Variants in PTPRD observed in about 807,000 individuals in gnomAD.
The protein encoded by PTPRD is receptor-type tyrosine-protein phosphatase delta.
In PTPRD, 34 loss-of-function variants were observed where a neutral mutation model predicts 214.5. The observed-to-expected ratio is 0.16, with a 90% CI of 0.12 to 0.21. The LOEUF is 0.21. Ranked by LOEUF, PTPRD falls within the 10% of genes least tolerant of loss-of-function variation. The pLI is 1.00. For missense variants in PTPRD, 2,545 were observed against 2,398.7 expected (o/e 1.06, Z -1.27); for synonymous variants, 1,128 against 845.7 (o/e 1.33, Z -5.79).
chr9:10,320,253 T>C (rs562892898), intron 3 of PTPRD, among the ~76,000 whole-genome samples: 122 of 152,186 alleles, frequency 8.0e-4, no homozygotes, highest in African/African-American at 2.8e-3. Flanking sequence ...AGTTCTGCAC[T>C]TAATATTGAT....
At chr9:8,418,224 C>CT (rs375048364) in intron 35 of PTPRD, among the ~76,000 whole-genome samples, 176 of 147,842 alleles carry the variant, frequency 1.2e-3, no homozygotes, top group Middle Eastern at 3.5e-3. Flanking sequence ...TTATCCTTTT[C>CT]TTTTTTTTTT....
At chr9:9,711,146 T>C (rs2097721260) in intron 7 of PTPRD, among the ~76,000 whole-genome samples, 1 of 152,216 alleles carries the variant, frequency 6.6e-6, no homozygotes, top group African/African-American at 2.4e-5. Flanking sequence ...TTACTAATCA[T>C]TCTAAAACAT....
At position 9,136,733 on chromosome 9, in the gene PTPRD, C is replaced by G. The variant is rs12353223; in HGVS notation, c.-143+46571G>C. Among the ~76,000 whole-genome samples the G allele has an allele frequency of 6.8e-3, 1,037 of 152,142 alleles. 16 individuals carry two copies. The highest frequency in any genetic ancestry group is 0.024 in the African/African-American group (990 of 41,532). On this transcript the variant is annotated intron_variant, in intron 10 of 45. Transcript: ENST00000381196. ...TGTATTTGCCCCTGTAGATAAATTT[C>G]TTGAAAAAAGGATCAAAACATCAAT...
chr9:8,668,675 A>G (rs980070021), intron 12 of PTPRD, among the ~76,000 whole-genome samples: 1 of 152,234 alleles, frequency 6.6e-6, no homozygotes. Context: ...AAAAATAGTG[A>G]AAAATATTTG....
intron 11 of PTPRD, among the ~76,000 whole-genome samples, chr9:9,010,952 TA>T (rs1383506984): frequency 2.0e-5 from 3 of 152,210 alleles, no homozygotes; most frequent in African/African-American, 7.2e-5. Flanking sequence ...CCATTATTTT[TA>T]AATTTTAATG....
chr9:10,168,262 T>C (rs1165170596), intron 3 of PTPRD, among the ~76,000 whole-genome samples: 6 of 152,164 alleles, frequency 3.9e-5, no homozygotes, highest in African/African-American at 1.4e-4. Context: ...TTCATCCACA[T>C]TGAGATATTT....
chr9:8,422,114 T>A (rs2094405131), intron 35 of PTPRD, among the ~76,000 whole-genome samples: 1 of 122,074 alleles, frequency 8.2e-6, no homozygotes, highest in South Asian at 2.6e-4. Context: ...GCCACTGCAC[T>A]TCAGCCTGGG....
chr9:8,592,453 G>T (rs773157674), intron 14 of PTPRD, among the ~76,000 whole-genome samples: 1 of 152,166 alleles, frequency 6.6e-6, no homozygotes. Context: ...GACATACAAG[G>T]ACTTGAATAG....
chr9:10,362,734 G>T (rs2097420926), intron 2 of PTPRD, among the ~76,000 whole-genome samples: 1 of 152,074 alleles, frequency 6.6e-6, no homozygotes, highest in African/African-American at 2.4e-5. Context: ...ATAAAAATTA[G>T]CCAGGCATGG....
chr9:9,810,133 T>TAA (rs3050106), intron 5 of PTPRD, among the ~76,000 whole-genome samples: 100 of 108,500 alleles, frequency 9.2e-4, no homozygotes, highest in African/African-American at 4.0e-3. Context: ...ACTTCCAGGT[T>TAA]AAAAAAAAAA....
chr9:9,544,893 A>G (rs1049233625), intron 8 of PTPRD, among the ~76,000 whole-genome samples: 40 of 117,590 alleles, frequency 3.4e-4, no homozygotes, highest in African/African-American at 1.1e-3. Context: ...GATAGCCCAC[A>G]TTTCTAGTTG....
intron 4 of PTPRD, among the ~76,000 whole-genome samples, chr9:9,983,928 G>A (rs867149114): frequency 1.3e-5 from 2 of 151,902 alleles, no homozygotes; most frequent in Non-Finnish European, 2.9e-5. Flanking sequence ...TTACTCTCTA[G>A]TGCCCTCTTA....
In PTPRD at chr9:10,206,049, A is replaced by G. The variant is rs1447676984; in HGVS notation, c.-545+134914T>C. Among the ~76,000 whole-genome samples the G allele has an allele frequency of 2.6e-5, 4 of 151,676 alleles. No individual in the cohort carries two copies. The East Asian group carries it at 7.8e-4, about 30-fold the overall frequency. On this transcript the variant is annotated intron_variant, in intron 3 of 45. Coordinates refer to ENST00000381196, the MANE Select transcript of PTPRD (RefSeq NM_002839.4). Reference sequence around the variant, plus strand: ...GCTTTATGTAAAAAAAAAAAAAAGTATTAGAAACTCAGAGGTATCAGGGAG... The same window carrying G: ...GCTTTATGTAAAAAAAAAAAAAAGTGTTAGAAACTCAGAGGTATCAGGGAG...
At chr9:9,286,440 C>G (rs1040470729) in intron 9 of PTPRD, among the ~76,000 whole-genome samples, 1 of 151,810 alleles carries the variant, frequency 6.6e-6, no homozygotes, top group Non-Finnish European at 1.5e-5. Context: ...TGTTTCTTCT[C>G]ACTCTACAAC....
At chr9:9,270,765 C>G (rs1942539213) in intron 9 of PTPRD, among the ~76,000 whole-genome samples, 1 of 151,346 alleles carries the variant, frequency 6.6e-6, no homozygotes, top group South Asian at 2.1e-4. Flanking sequence ...ATGATGGTAT[C>G]TTTAGATGAT....
intron 9 of PTPRD, among the ~76,000 whole-genome samples, chr9:9,247,663 T>A (rs2099973677): frequency 6.6e-6 from 1 of 152,068 alleles, no homozygotes; most frequent in African/African-American, 2.4e-5. Context: ...ACTCACATGC[T>A]TTCTTCTAGG....
intron 30 of PTPRD, among the ~76,000 whole-genome samples, chr9:8,472,859 T>C (rs979890116): frequency 6.6e-6 from 1 of 152,150 alleles, no homozygotes; most frequent in Non-Finnish European, 1.5e-5. Context: ...CTTGGAGATA[T>C]GTCTGGCTGG....
intron 5 of PTPRD, among the ~76,000 whole-genome samples, chr9:9,777,483 C>T (rs1055714267): frequency 1.3e-5 from 2 of 151,964 alleles, no homozygotes; most frequent in African/African-American, 4.8e-5. Flanking sequence ...TCACTTGAGC[C>T]CAAGAGTTTG....
At chr9:8,374,114 CTGTGTGTGTGTGTGTGTGTGTGTGTG>C (rs6150905) in intron 39 of PTPRD, among the ~76,000 whole-genome samples, 19 of 142,800 alleles carry the variant, frequency 1.3e-4, no homozygotes, top group Admixed American at 1.2e-3. Context: ...ACACACGTGT[CTGTGTGTGTGTGTGTGTGTGTGTGTG>C]TGTGTGTGTG....
Sources: gnomAD v4.1 joint callset for allele counts (sites outside exome capture counted in the v4.1 genomes callset) on GRCh38, gnomAD v4.1.1 for gene constraint, MANE v1.5 for transcripts, NCBI Gene and HGNC (gene_info 2026-07-23, HGNC 2026-07-21) for gene names.